The following HPCAL1 variants were observed in gnomAD, a reference collection of about 807,000 sequenced individuals.
HPCAL1 encodes the protein hippocalcin-like protein 1.
Under a neutral mutation model 17.1 loss-of-function variants are expected in HPCAL1, and 8 were observed. The ratio of observed to expected loss-of-function variants is 0.47; its 90% CI spans 0.27 to 0.84. HPCAL1 has a LOEUF of 0.84. HPCAL1 is among the 40% of genes least tolerant of loss of function. HPCAL1 has a pLI of 0.13. For missense variants in HPCAL1, 165 were observed against 271.1 expected (o/e 0.61, Z 2.75); for synonymous variants, 112 against 111.4 (o/e 1.01, Z -0.03).
chr2:10,327,028 T>C (rs533564261), intron 1 of HPCAL1, among the ~76,000 whole-genome samples: 57 of 152,282 alleles, frequency 3.7e-4, no homozygotes, highest in African/African-American at 1.3e-3. Context: ...TTCTCCCAGG[T>C]GGCCAGAGCA....
chr2:10,401,937 G>A (rs1669636304), intron 2 of HPCAL1, among the ~76,000 whole-genome samples: 1 of 152,208 alleles, frequency 6.6e-6, no homozygotes, highest in African/African-American at 2.4e-5. Flanking sequence ...GTCTCGCTGT[G>A]TCTCCCAGGC....
intron 1 of HPCAL1, among the ~76,000 whole-genome samples, chr2:10,393,341 G>C (rs1343252851): frequency 6.6e-6 from 1 of 152,128 alleles, no homozygotes; most frequent in Non-Finnish European, 1.5e-5. Flanking sequence ...CAGCCTGAGC[G>C]CCAATTCCTT....
At chr2:10,424,078 G>C (rs913513871) in intron 4 of HPCAL1, 2 of 184,532 alleles carry the variant, frequency 1.1e-5, no homozygotes, top group African/African-American at 4.7e-5. Flanking sequence ...GGGCGATAGA[G>C]TGAGACTCCA....
chr2:10,356,449 A>C (rs371646501), intron 1 of HPCAL1, among the ~76,000 whole-genome samples: 2 of 152,176 alleles, frequency 1.3e-5, no homozygotes, highest in East Asian at 3.8e-4. Context: ...GGTGTGTGCC[A>C]GGACGGTGGG....
At chr2:10,316,032 C>T (rs1476707992) in intron 1 of HPCAL1, among the ~76,000 whole-genome samples, 1 of 152,106 alleles carries the variant, frequency 6.6e-6, no homozygotes, top group Admixed American at 6.6e-5. Flanking sequence ...CCAGAGTCTT[C>T]CAGGAAATTT....
chr2:10,407,057 C>T (rs1670020276), intron 2 of HPCAL1, among the ~76,000 whole-genome samples: 1 of 152,172 alleles, frequency 6.6e-6, no homozygotes. Flanking sequence ...GGAATGATCT[C>T]ACTGGAGAGT....
intron 1 of HPCAL1, among the ~76,000 whole-genome samples, chr2:10,316,260 A>G (rs530502157): frequency 6.6e-6 from 1 of 152,258 alleles, no homozygotes; most frequent in African/African-American, 2.4e-5. Flanking sequence ...TTTTCCAGGA[A>G]TAATCTCCTT....
intron 1 of HPCAL1, among the ~76,000 whole-genome samples, chr2:10,319,594 GGGGT>G (rs1663543630): frequency 6.9e-6 from 1 of 145,282 alleles, no homozygotes; most frequent in Non-Finnish European, 1.5e-5. Flanking sequence ...GGGGTGGGGT[GGGGT>G]GGGCAGACTA....
Position 10,365,618 on chromosome 2 carries a change from C to T in HPCAL1, c.-110-31217C>T, listed in dbSNP as rs1186618579. On this transcript the variant is annotated intron_variant, in intron 1 of 4. Transcript: ENST00000307845. The surrounding 1 kb of genome is among the most constrained non-coding windows in gnomAD (Gnocchi z 4.8). ...GTCCCGCCCAACCCCCGACCGCACA[C>T]CTCCCTCCCCCTTAGCTGCTTCGAA... 6.6e-6 allele frequency among the ~76,000 whole-genome samples: 1 copy of T among 152,052 alleles called. No homozygotes were observed. The highest frequency in any genetic ancestry group is 1.9e-4 in the East Asian group (1 of 5,184).
At position 10,330,023 on chromosome 2, in the gene HPCAL1, C is replaced by T. The variant is rs1257300936; in HGVS notation, c.-111+26846C>T. ...GGAAGGAGTTCCTGGTCTCGTGACA[C>T]CTGCACAAATGGTCTTCAACCCTCA... is the stretch of plus-strand genomic sequence containing the variant. On this transcript the variant is annotated intron_variant, in intron 1 of 4. Coordinates refer to ENST00000307845, the MANE Select transcript of HPCAL1 (RefSeq NM_002149.4). This position sits in a 1 kb window ranked among gnomAD's most constrained non-coding sequence, Gnocchi z 4.2. 6.6e-6 allele frequency: 1 copy of T among 152,174 alleles called. No homozygotes were observed. The highest frequency in any genetic ancestry group is 1.5e-5 in the Non-Finnish European group (1 of 68,040). 9.4% of individuals were successfully genotyped at this position (152,174 alleles called of 1,614,324 possible).
intron 3 of HPCAL1, 73 bp downstream of exon 3, chr2:10,420,208 G>A: frequency 1.4e-6 from 1 of 734,154 alleles, no homozygotes; most frequent in Non-Finnish European, 1.8e-6. Flanking sequence ...CCAGCCCAGG[G>A]CTTTTTTTTT....
intron 1 of HPCAL1, among the ~76,000 whole-genome samples, chr2:10,393,720 C>T (rs7566866): frequency 0.16 from 23,973 of 152,124 alleles, 2,173 homozygotes; most frequent in African/African-American, 0.25. Flanking sequence ...GCTTGCTGAG[C>T]GTGCCAGCAG....
intron 1 of HPCAL1, among the ~76,000 whole-genome samples, chr2:10,338,041 T>A (rs1664826622): frequency 6.6e-6 from 1 of 152,190 alleles, no homozygotes; most frequent in Non-Finnish European, 1.5e-5. Context: ...GAGAGGTGGC[T>A]GTTTATGAAG....
At position 10,427,042 on chromosome 2, in the gene HPCAL1, C is replaced by T; in HGVS notation, c.*221C>T. 1.8e-6 allele frequency: 1 copy of T among 561,246 alleles called. No homozygotes were observed. 34.8% of individuals were successfully genotyped at this position (561,246 alleles called of 1,614,324 possible). On this transcript the variant is annotated 3_prime_UTR_variant, in exon 5 of 5. Transcript: ENST00000307845. ...GGCCCGGTCCCTTCCAGGGCAACTC[C>T]CAGGGATGTGGTGACATGCAGGGTT... is the stretch of plus-strand genomic sequence containing the variant.
chr2:10,377,037 T>G lies in HPCAL1; in HGVS notation c.-110-19798T>G, dbSNP rs1667615787. Among the ~76,000 whole-genome samples, 1 of 152,024 alleles carries G rather than the reference T, an allele frequency of 6.6e-6. No individual in the cohort carries two copies. The highest frequency in any genetic ancestry group is 2.1e-4 in the South Asian group (1 of 4,834). On this transcript the variant is annotated intron_variant, in intron 1 of 4. Transcript: ENST00000307845. This position sits in a 1 kb window ranked among gnomAD's most constrained non-coding sequence, Gnocchi z 5.9. ...AGTACAATACATGTATGTAATACAA[T>G]ACATACTGTATTGTATTAATCAGAT... is the stretch of plus-strand genomic sequence containing the variant.
intron 1 of HPCAL1, among the ~76,000 whole-genome samples, chr2:10,321,144 G>A (rs1158543062): frequency 2.0e-5 from 3 of 152,214 alleles, no homozygotes; most frequent in Admixed American, 6.5e-5. Context: ...CTACAATCAT[G>A]GCGGAAGGTG....
chr2:10,315,547 C>T (rs561290250), intron 1 of HPCAL1, among the ~76,000 whole-genome samples: 2 of 152,334 alleles, frequency 1.3e-5, no homozygotes, highest in Admixed American at 6.5e-5. Flanking sequence ...TATTTACCCT[C>T]TTAATTTGCT....
chr2:10,371,295 A>T (rs142512624), intron 1 of HPCAL1, among the ~76,000 whole-genome samples: 1 of 152,142 alleles, frequency 6.6e-6, no homozygotes, highest in Non-Finnish European at 1.5e-5. Context: ...AACTGAGTGG[A>T]CAAGCCAGGC....
At chr2:10,339,899 C>T (rs141286266) in intron 1 of HPCAL1, among the ~76,000 whole-genome samples, 5 of 152,274 alleles carry the variant, frequency 3.3e-5, no homozygotes, top group East Asian at 3.9e-4. Context: ...GTGCGCCCAG[C>T]GGAGCCAGCA....
Sources: gnomAD v4.1 joint callset for allele counts (sites outside exome capture counted in the v4.1 genomes callset) on GRCh38, gnomAD v4.1.1 for gene constraint, Gnocchi (gnomAD v3.1) non-coding constraint, MANE v1.5 for transcripts, NCBI Gene and HGNC (gene_info 2026-07-23, HGNC 2026-07-21) for gene names.